The following HLA-DPB1 variants were observed in gnomAD, a reference collection of about 807,000 sequenced individuals.
HLA-DPB1 encodes the protein major histocompatibility complex, class II, DP beta 1.
Under a neutral mutation model 29.4 loss-of-function variants are expected in HLA-DPB1, and 30 were observed. The ratio of observed to expected loss-of-function variants is 1.02; its 90% CI spans 0.76 to 1.38. HLA-DPB1 has a LOEUF of 1.38. Among genes scored for constraint, HLA-DPB1 ranks in the 40% most tolerant of loss-of-function variants. HLA-DPB1 has a pLI of 0.00. For synonymous variants in HLA-DPB1, 114 were observed against 134.0 expected (o/e 0.85, Z 1.03); for missense variants, 261 against 327.5 (o/e 0.80, Z 1.57).
Position 33,089,176 on chromosome 6 carries a change from G to A in HLA-DPB1, c.*2642G>A, listed in dbSNP as rs1037836243. Among the ~76,000 whole-genome samples, 1 of 152,162 alleles carries A rather than the reference G, an allele frequency of 6.6e-6. No individual in the cohort carries two copies. Among genetic ancestry groups the A allele is most frequent in the Admixed American group, 6.5e-5 (1 of 15,288 alleles). On this transcript the variant is annotated 3_prime_UTR_variant, in exon 6 of 6. Coordinates refer to ENST00000418931, the MANE Select transcript of HLA-DPB1 (RefSeq NM_002121.6). Reference sequence around the variant, plus strand: ...AATAACCACTTGCTACCAGGCCAGTGAACACTTACCATAGTTGATGCCTTT... The same window carrying A: ...AATAACCACTTGCTACCAGGCCAGTAAACACTTACCATAGTTGATGCCTTT...
Position 33,089,302 on chromosome 6 carries a change from C to A in HLA-DPB1, c.*2768C>A, listed in dbSNP as rs767951157. ...TTTTGTCTCTCAGCTTCTCTGAAGT[C>A]TCATTGAGCACCTTCTCTTCAATTT... is the stretch of plus-strand genomic sequence containing the variant. On this transcript the variant is annotated 3_prime_UTR_variant, in exon 6 of 6. Coordinates refer to ENST00000418931, the MANE Select transcript of HLA-DPB1 (RefSeq NM_002121.6). 6.6e-5 allele frequency among the ~76,000 whole-genome samples: 10 copies of A among 152,200 alleles called. No homozygotes were observed. Among genetic ancestry groups the A allele is most frequent in the Admixed American group, 1.3e-4 (2 of 15,280 alleles).
chr6:33,078,368 T>G (rs1188424258), intron 1 of HLA-DPB1, among the ~76,000 whole-genome samples: 1 of 152,056 alleles, frequency 6.6e-6, no homozygotes, highest in Non-Finnish European at 1.5e-5. Flanking sequence ...GATTCCACAA[T>G]TCCCTGCATG....
intron 2 of HLA-DPB1, among the ~76,000 whole-genome samples, chr6:33,083,305 G>T (rs891214514): frequency 6.6e-6 from 1 of 152,200 alleles, no homozygotes; most frequent in African/African-American, 2.4e-5. Context: ...AAGTAGAAAG[G>T]AAAGAACTGA....
At chr6:33,085,996 C>T in intron 4 of HLA-DPB1, 107 bp downstream of exon 4, 1 of 795,374 alleles carries the variant, frequency 1.3e-6, no homozygotes, top group Non-Finnish European at 2.1e-6. Flanking sequence ...GCTCTAGAGG[C>T]CACTGATATC....
rs1422655458 is a variant in HLA-DPB1 at position 33,089,633 on chromosome 6, C to G, written c.*3099C>G. ...AACTAACTTCAAATAAGTGGGAATA[C>G]TTGAAGGTGGAAAACATTTAAGAAG... On this transcript the variant is annotated 3_prime_UTR_variant, in exon 6 of 6. Coordinates refer to ENST00000418931, the MANE Select transcript of HLA-DPB1 (RefSeq NM_002121.6). 6.6e-6 allele frequency among the ~76,000 whole-genome samples: 1 copy of G among 152,110 alleles called. No individual in the cohort carries two copies. Among genetic ancestry groups the G allele is most frequent in the East Asian group, 1.9e-4 (1 of 5,204 alleles).
At chr6:33,083,593 C>T (rs1762967512) in intron 2 of HLA-DPB1, 3 of 152,878 alleles carry the variant, frequency 2.0e-5, no homozygotes, top group Admixed American at 1.3e-4. Flanking sequence ...CTCAGCCTCC[C>T]ATGTAGCTAG....
chr6:33,078,710 T>C (rs1762682236), intron 1 of HLA-DPB1, among the ~76,000 whole-genome samples: 1 of 152,162 alleles, frequency 6.6e-6, no homozygotes, highest in African/African-American at 2.4e-5. Context: ...ATTTCAAAAG[T>C]TAAATGTACT....
At position 33,076,068 on chromosome 6, in the gene HLA-DPB1, C is replaced by A. The variant is rs536111967; in HGVS notation, c.27C>A (p.Ala9=). The change falls in exon 1 of 6, where the codon GCC becomes GCA. Residue 9 remains alanine (A), a synonymous_variant. Coordinates refer to ENST00000418931, the MANE Select transcript of HLA-DPB1 (RefSeq NM_002121.6). The part of the protein sequence containing the change: MMVLQVSA[A]PRTVALTALL... ...TGATGGTTCTGCAGGTTTCTGCGGC[C>A]CCCCGGACAGTGGCTCTGACGGCGT... 4 of 1,612,428 alleles carry A rather than the reference C, an allele frequency of 2.5e-6. No homozygotes were observed. In the African/African-American group the frequency reaches 5.3e-5, roughly 22 times the overall value.
rs1763249027 is a variant in HLA-DPB1, at chr6:33,089,287, C to T, written c.*2753C>T. 6.6e-6 allele frequency among the ~76,000 whole-genome samples: 1 copy of T among 152,186 alleles called. No individual in the cohort carries two copies. The highest frequency in any genetic ancestry group is 1.5e-5 in the Non-Finnish European group (1 of 68,038). On this transcript the variant is annotated 3_prime_UTR_variant, in exon 6 of 6. Coordinates refer to ENST00000418931, the MANE Select transcript of HLA-DPB1 (RefSeq NM_002121.6). ...ACATCCTCCTAGTTCTTTTGTCTCT[C>T]AGCTTCTCTGAAGTCTCATTGAGCA...
chr6:33,082,540 T>G (rs922720471), intron 2 of HLA-DPB1, among the ~76,000 whole-genome samples: 1 of 151,756 alleles, frequency 6.6e-6, no homozygotes, highest in Non-Finnish European at 1.5e-5. Flanking sequence ...TTTTGAAAAA[T>G]GAAAAAGAGA....
At position 33,080,764 on chromosome 6, in the gene HLA-DPB1, G is replaced by A. The variant is rs1762806011; in HGVS notation, c.193G>A (p.Ala65Thr). The change falls in exon 2 of 6, where the codon GCG becomes ACG. Residue 65 changes from alanine (A) to threonine (T), a missense_variant. By Grantham distance (58) the Ala-to-Thr change is moderately conservative. Transcript: ENST00000418931. This position sits in a 1 kb window ranked among gnomAD's most constrained non-coding sequence, Gnocchi z 4.3. Reference sequence around the variant, plus strand: ...ATACATCTACAACCGGGAGGAGTTCGCGCGCTTCGACAGCGACGTGGGGGA... The same window carrying A: ...ATACATCTACAACCGGGAGGAGTTCACGCGCTTCGACAGCGACGTGGGGGA... ...ERYIYNREEF[A>T]RFDSDVGEFR... The A allele has an allele frequency of 6.2e-7, 1 of 1,613,534 alleles. No individual in the cohort carries two copies. Among genetic ancestry groups the A allele is most frequent in the South Asian group, 1.1e-5 (1 of 91,004 alleles).
At chr6:33,085,278 A>T (rs1763049580) in intron 3 of HLA-DPB1, 47 bp downstream of exon 3, 4 of 1,479,242 alleles carry the variant, frequency 2.7e-6, no homozygotes, top group East Asian at 2.3e-5. Context: ...AGAGCAGGGG[A>T]CTCTCTGGCT....
intron 2 of HLA-DPB1, among the ~76,000 whole-genome samples, chr6:33,082,863 G>A (rs1362023422): frequency 1.3e-5 from 2 of 152,174 alleles, no homozygotes; most frequent in Non-Finnish European, 2.9e-5. Context: ...CAGAAATGAG[G>A]CCATTGGGTA....
chr6:33,085,016 G>A lies in HLA-DPB1; in HGVS notation c.431G>A (p.Cys144Tyr), dbSNP rs61736936. The A allele has an allele frequency of 6.2e-7, 1 of 1,612,832 alleles. No individual in the cohort carries two copies. Among genetic ancestry groups the A allele is most frequent in the Non-Finnish European group, 8.5e-7 (1 of 1,179,520 alleles). Reference protein sequence around the residue: ...GPLQHHNLLVCHVTDFYPGSI... With the variant: ...GPLQHHNLLVYHVTDFYPGSI... ...TTGCAGCACCACAACCTGCTTGTCT[G>A]CCACGTGACGGATTTCTACCCAGGC... The change falls in exon 3 of 6, where the codon TGC becomes TAC. Residue 144 changes from cysteine (C) to tyrosine (Y), a missense_variant. By Grantham distance (194) the Cys-to-Tyr change is radical. Transcript: ENST00000418931.
Position 33,088,458 on chromosome 6 carries a change from G to T in HLA-DPB1, c.*1924G>T, listed in dbSNP as rs1763211665. On this transcript the variant is annotated 3_prime_UTR_variant, in exon 6 of 6. Transcript: ENST00000418931. ...GATATGTGCTCCTAGGGAACTGAGG[G>T]TGTCAGGAGATGAGGAATGTCCCTG... Among the ~76,000 whole-genome samples the T allele has an allele frequency of 6.6e-6, 1 of 152,174 alleles. No individual in the cohort carries two copies.
intron 1 of HLA-DPB1, among the ~76,000 whole-genome samples, chr6:33,078,332 G>C (rs1246361873): frequency 6.6e-6 from 1 of 152,174 alleles, no homozygotes; most frequent in Non-Finnish European, 1.5e-5. Flanking sequence ...TGGAGCCATA[G>C]GGGAGTGGGT....
Position 33,080,296 on chromosome 6 carries a change from G to A in HLA-DPB1, c.101-376G>A. On this transcript the variant is annotated intron_variant, in intron 1 of 5. Coordinates refer to ENST00000418931, the MANE Select transcript of HLA-DPB1 (RefSeq NM_002121.6). This position sits in a 1 kb window ranked among gnomAD's most constrained non-coding sequence, Gnocchi z 4.3. ...GTCAGGGAGTTAAGTAGGGGGAGCA[G>A]CTCCGCCCTCCACGTCCCCAGCTCC... 1 of 412,882 alleles carries A rather than the reference G, an allele frequency of 2.4e-6. No individual in the cohort carries two copies. The highest frequency in any genetic ancestry group is 4.8e-6 in the Non-Finnish European group (1 of 210,084). The allele number at this position is 412,882 out of a possible 1,614,324, so 25.6% of individuals were successfully genotyped here.
intron 1 of HLA-DPB1, chr6:33,079,792 A>G: frequency 2.1e-6 from 1 of 471,768 alleles, no homozygotes; most frequent in Non-Finnish European, 4.2e-6. Context: ...CATCATGGAA[A>G]GAGTCACCCA....
Position 33,085,844 on chromosome 6 carries a change from A to G in HLA-DPB1, c.712A>G (p.Ile238Val), listed in dbSNP as rs1763070848. 4 of 1,614,064 alleles carry G rather than the reference A, an allele frequency of 2.5e-6. No homozygotes were observed. The highest frequency in any genetic ancestry group is 3.4e-6 in the Non-Finnish European group (4 of 1,179,968). The change falls in exon 4 of 6, where the codon ATC (isoleucine) becomes GTC (valine). Residue 238 changes from isoleucine (I) to valine (V), a missense_variant. Physicochemically the swap from Ile to Val is conservative, Grantham distance 29 (BLOSUM62 3). Coordinates refer to ENST00000418931, the MANE Select transcript of HLA-DPB1 (RefSeq NM_002121.6). ...AGCTGGGGGCTTCGTGCTGGGGCTC[A>G]TCATCTGTGGAGTGGGCATCTTCAT... is the stretch of plus-strand genomic sequence containing the variant. ...TGAGGFVLGL[I>V]ICGVGIFMHR...
Sources: gnomAD v4.1 joint callset for allele counts (sites outside exome capture counted in the v4.1 genomes callset) on GRCh38, gnomAD v4.1.1 for gene constraint, Gnocchi (gnomAD v3.1) non-coding constraint, MANE v1.5 for transcripts, NCBI Gene and HGNC (gene_info 2026-07-23, HGNC 2026-07-21) for gene names.